Variants in CYFIP2 observed in about 807,000 individuals in gnomAD.
The protein encoded by CYFIP2 is cytoplasmic FMR1-interacting protein 2.
A neutral mutation model predicts 158.7 loss-of-function variants in CYFIP2; 29 were observed. The observed-to-expected ratio is 0.18, with a 90% confidence interval of 0.14 to 0.25. CYFIP2 has a LOEUF of 0.25. Among genes scored for constraint, CYFIP2 ranks in the 10% least tolerant of loss-of-function variants. CYFIP2 has a pLI of 1.00. For synonymous variants in CYFIP2, 585 were observed against 617.6 expected, an observed-to-expected ratio of 0.95 and a Z score of 0.78; for missense variants, 852 against 1,639.5, an observed-to-expected ratio of 0.52 and a Z score of 8.29.
chr5:157,266,552 C>G lies in CYFIP2; in HGVS notation c.-24+357C>G, dbSNP rs187458. 97,610 of 152,258 alleles carry G rather than the reference C, an allele frequency of 0.64. 33,719 individuals are homozygous for G. The highest frequency in any genetic ancestry group is 0.92 in the East Asian group (4,721 of 5,126). The allele number at this position is 152,258 out of a possible 1,614,324, so 9.4% of individuals were successfully genotyped here. The stretch of plus-strand genomic sequence containing the variant: ...GGACCGGAGACACCTGCAGCGGCCG[C>G]GAGCCCGGCAGCGGCGACATCCTCG... On this transcript the variant is annotated intron_variant, in intron 1 of 30. Transcript: ENST00000620254. This position sits in a 1 kb window ranked among gnomAD's most constrained non-coding sequence, Gnocchi z 4.2.
At position 157,307,744 on chromosome 5, in the gene CYFIP2, C is replaced by G. The variant is rs371375192; in HGVS notation, c.796-17C>G. 1.3e-6 allele frequency: 2 copies of G among 1,531,804 alleles called. No individual in the cohort carries two copies. Among genetic ancestry groups the G allele is most frequent in the Non-Finnish European group, 1.8e-6 (2 of 1,110,348 alleles). The allele number at this position is 1,531,804 out of a possible 1,614,324, so 94.9% of individuals were successfully genotyped here. ...AGATGTGATTAGTTTCTATGCTCTG[C>G]CCTCTTCTCATTCTAGGTGATGGGC... On this transcript the variant is annotated splice_polypyrimidine_tract_variant and intron_variant, in intron 8 of 30. Coordinates refer to ENST00000620254, the MANE Select transcript of CYFIP2 (RefSeq NM_001037333.3).
chr5:157,305,790 C>T (rs1032349851), intron 8 of CYFIP2, among the ~76,000 whole-genome samples: 3 of 152,222 alleles, frequency 2.0e-5, no homozygotes, highest in Admixed American at 1.3e-4. Flanking sequence ...GCTGGGATTA[C>T]GTGCATGAGG....
rs576800866 is a variant in CYFIP2 at position 157,310,729 on chromosome 5, C to T, written c.992+895C>T. ...GGTTGGGTGTGAGGGGCCGTGTGCTCCCCTCTCCACAGGTAACTCTTTGAG... is the reference window on the plus strand; with the variant it reads ...GGTTGGGTGTGAGGGGCCGTGTGCTTCCCTCTCCACAGGTAACTCTTTGAG... On this transcript the variant is annotated intron_variant, in intron 10 of 30. Transcript: ENST00000620254. 2.6e-5 allele frequency among the ~76,000 whole-genome samples: 4 copies of T among 152,326 alleles called. No homozygotes were observed. The East Asian group carries it at 7.7e-4, about 29-fold the overall frequency.
At chr5:157,291,563 G>C (rs1357194251) in intron 3 of CYFIP2, among the ~76,000 whole-genome samples, 2 of 152,242 alleles carry the variant, frequency 1.3e-5, no homozygotes, top group African/African-American at 4.8e-5. Flanking sequence ...TCGGCAGGCA[G>C]GTTGGTGCTA....
At chr5:157,286,477 A>G (rs1305061832) in intron 2 of CYFIP2, among the ~76,000 whole-genome samples, 5 of 149,362 alleles carry the variant, frequency 3.3e-5, no homozygotes, top group South Asian at 2.1e-4. Context: ...TTCCATGACA[A>G]TACCACAATA....
intron 28 of CYFIP2, among the ~76,000 whole-genome samples, chr5:157,387,890 A>C (rs962941943): frequency 3.9e-5 from 6 of 152,210 alleles, no homozygotes; most frequent in Admixed American, 3.9e-4. Flanking sequence ...TGTCATGACA[A>C]CTACACTCAT....
At chr5:157,372,566 G>T (rs1765093193) in intron 26 of CYFIP2, among the ~76,000 whole-genome samples, 1 of 152,176 alleles carries the variant, frequency 6.6e-6, no homozygotes, top group Admixed American at 6.5e-5. Flanking sequence ...AAAGTCATGA[G>T]GGTTTTTGTC....
chr5:157,376,243 A>C (rs140467241), intron 26 of CYFIP2: 1 of 152,246 alleles, frequency 6.6e-6, no homozygotes, highest in Non-Finnish European at 1.5e-5. Flanking sequence ...CTCTCTTCTC[A>C]GTCTCCAAAG....
intron 1 of CYFIP2, among the ~76,000 whole-genome samples, chr5:157,285,087 C>T (rs1757270765): frequency 6.6e-6 from 1 of 152,198 alleles, no homozygotes. Flanking sequence ...AGGGTACCAC[C>T]TTCCATGTTG....
intron 6 of CYFIP2, among the ~76,000 whole-genome samples, chr5:157,301,361 C>T (rs1428635321): frequency 6.6e-6 from 1 of 152,162 alleles, no homozygotes; most frequent in African/African-American, 2.4e-5. Context: ...GCCTCCAGCT[C>T]TCAGGTCAAC....
At chr5:157,350,501 C>T (rs565699178) in intron 23 of CYFIP2, among the ~76,000 whole-genome samples, 1 of 152,306 alleles carries the variant, frequency 6.6e-6, no homozygotes, top group African/African-American at 2.4e-5. Flanking sequence ...ATTTTAATGA[C>T]ATTACCATGC....
chr5:157,306,515 T>G (rs1759235476), intron 8 of CYFIP2, among the ~76,000 whole-genome samples: 1 of 152,186 alleles, frequency 6.6e-6, no homozygotes, highest in Non-Finnish European at 1.5e-5. Flanking sequence ...CATGGTTAGT[T>G]TGTGTTAGTG....
chr5:157,298,876 C>A (rs1476377042), intron 5 of CYFIP2, among the ~76,000 whole-genome samples: 1 of 152,190 alleles, frequency 6.6e-6, no homozygotes, highest in East Asian at 1.9e-4. Context: ...TAAAGCTCAT[C>A]CATGTTACAG....
chr5:157,378,246 G>A (rs1176283599), intron 26 of CYFIP2, among the ~76,000 whole-genome samples: 3 of 152,126 alleles, frequency 2.0e-5, no homozygotes, highest in Non-Finnish European at 4.4e-5. Flanking sequence ...TCAGGATTGA[G>A]GCTACCTCTG....
chr5:157,378,216 A>G (rs972805091), intron 26 of CYFIP2, among the ~76,000 whole-genome samples: 1 of 152,220 alleles, frequency 6.6e-6, no homozygotes, highest in Admixed American at 6.5e-5. Flanking sequence ...TCCATCTGCA[A>G]AGAAATTATT....
chr5:157,326,301 T>A (rs767430633), intron 18 of CYFIP2, 34 bp downstream of exon 18: 1 of 1,566,642 alleles, frequency 6.4e-7, no homozygotes, highest in South Asian at 1.1e-5. Context: ...GCTCCTTTAA[T>A]CTTGTTCCAA....
At chr5:157,332,642 A>C (rs1458962193) in intron 20 of CYFIP2, among the ~76,000 whole-genome samples, 1 of 152,034 alleles carries the variant, frequency 6.6e-6, no homozygotes, top group Non-Finnish European at 1.5e-5. Flanking sequence ...TGTCAGCGCG[A>C]ATCTTTATTT....
At chr5:157,273,032 A>G (rs1391848310) in intron 1 of CYFIP2, among the ~76,000 whole-genome samples, 6 of 151,902 alleles carry the variant, frequency 3.9e-5, no homozygotes, top group South Asian at 2.1e-4. Flanking sequence ...ACACCTGGGT[A>G]ATTTTTTAAT....
chr5:157,358,213 G>A (rs557103283), intron 23 of CYFIP2, among the ~76,000 whole-genome samples: 179 of 152,274 alleles, frequency 1.2e-3, no homozygotes, highest in African/African-American at 4.2e-3. Context: ...CTATAGCATG[G>A]TTGTATATAC....
Sources: allele counts gnomAD v4.1 joint callset (sites outside exome capture counted in the v4.1 genomes callset), GRCh38; gene constraint gnomAD v4.1.1; non-coding constraint Gnocchi (gnomAD v3.1); transcripts MANE v1.5; gene names NCBI Gene and HGNC (gene_info 2026-07-23, HGNC 2026-07-21).